Variants in ZFHX3 observed in about 807,000 individuals in gnomAD.
ZFHX3 encodes zinc finger homeobox protein 3.
A neutral mutation model predicts 279.1 loss-of-function variants in ZFHX3; 42 were observed. The observed-to-expected ratio is 0.15, with a 90% CI of 0.12 to 0.19. The LOEUF (loss-of-function observed/expected upper bound fraction) is 0.19. Among genes scored for constraint, ZFHX3 ranks in the 10% least tolerant of loss-of-function variants. The probability of loss-of-function intolerance (pLI) is 1.00; values close to 1 mark genes in which losing one functional copy is unlikely to be tolerated. For synonymous variants in ZFHX3, 2,293 were observed against 1,957.8 expected, an observed-to-expected ratio of 1.17 and a Z score of -4.52; for missense variants, 4,981 against 4,754.0, an observed-to-expected ratio of 1.05 and a Z score of -1.40.
chr16:73,875,704 TA>T (rs1211769903), intron 1 of ZFHX3, among the ~76,000 whole-genome samples: 1 of 152,164 alleles, frequency 6.6e-6, no homozygotes, highest in Non-Finnish European at 1.5e-5. Context: ...CCAAAGTGCT[TA>T]AATTTAAAAA....
At chr16:73,306,365 G>C (rs1487940861) in intron 4 of ZFHX3, among the ~76,000 whole-genome samples, 2 of 152,158 alleles carry the variant, frequency 1.3e-5, no homozygotes, top group East Asian at 3.8e-4. Context: ...TGTCGCCTAG[G>C]CTGGAGTGCA....
rs147651642 is a variant in ZFHX3 at position 73,469,265 on chromosome 16, A to G, written c.-1546-13007T>C. ...GCAACAAAAGCTGGAATAGAGCAAG[A>G]GAACACTGGTCCAAGAGAACTTCAG... On this transcript the variant is annotated intron_variant, in intron 2 of 17. Transcript: ENST00000641206. Among the ~76,000 whole-genome samples the G allele has an allele frequency of 1.6e-3, 249 of 152,280 alleles. 2 individuals carry two copies. Among genetic ancestry groups the G allele is most frequent in the African/African-American group, 5.7e-3 (238 of 41,568 alleles).
chr16:73,386,856 C>T (rs2016911569), intron 3 of ZFHX3: 2 of 152,096 alleles, frequency 1.3e-5, no homozygotes, highest in African/African-American at 4.8e-5. Flanking sequence ...GGTGGGATTA[C>T]ATACGCCTCC....
At position 72,800,148 on chromosome 16, in the gene ZFHX3, G is replaced by C; in HGVS notation, c.3865-19C>G. ...TGGTCACCTGAGGAGCAAGAGCAAG[G>C]AGAGTCAAATGGAGAGGAAAGCGAC... On this transcript the variant is annotated intron_variant, in intron 7 of 9. Coordinates refer to ENST00000268489, the MANE Select transcript of ZFHX3 (RefSeq NM_006885.4). The C allele has an allele frequency of 6.2e-7, 1 of 1,602,892 alleles. No individual in the cohort carries two copies. The highest frequency in any genetic ancestry group is 1.1e-5 in the South Asian group (1 of 90,760).
At chr16:73,100,859 T>C (rs1347177719) in intron 7 of ZFHX3, among the ~76,000 whole-genome samples, 1 of 152,132 alleles carries the variant, frequency 6.6e-6, no homozygotes, top group East Asian at 1.9e-4. Flanking sequence ...GGCCTCCCAA[T>C]GTGCTGAGAT....
At chr16:73,696,306 G>A (rs188846286) in intron 1 of ZFHX3, among the ~76,000 whole-genome samples, 8 of 152,278 alleles carry the variant, frequency 5.3e-5, no homozygotes, top group South Asian at 4.2e-4. Context: ...TAAGATATGG[G>A]CAGAACACCG....
chr16:73,648,960 G>A (rs1390819590), intron 2 of ZFHX3, among the ~76,000 whole-genome samples: 1 of 152,074 alleles, frequency 6.6e-6, no homozygotes, highest in Non-Finnish European at 1.5e-5. Context: ...TAAGTGCTAT[G>A]TTAAAAAGTC....
In ZFHX3 at chr16:72,858,763, G is replaced by A. The variant is rs568266787; in HGVS notation, c.3449-28904C>T. On this transcript the variant is annotated intron_variant, in intron 4 of 9. Coordinates refer to ENST00000268489, the MANE Select transcript of ZFHX3 (RefSeq NM_006885.4). ...AGAGGGAGGAAGAGATGTGGACCTGGCTGCCCCATTTACGCACGAGCTGCC... is the reference window on the plus strand; with the variant it reads ...AGAGGGAGGAAGAGATGTGGACCTGACTGCCCCATTTACGCACGAGCTGCC... Among the ~76,000 whole-genome samples the A allele has an allele frequency of 2.6e-5, 4 of 152,364 alleles. No homozygotes were observed. In the South Asian group the frequency reaches 8.3e-4, roughly 32 times the overall value.
intron 2 of ZFHX3, among the ~76,000 whole-genome samples, chr16:73,641,317 T>C (rs552464503): frequency 2.4e-4 from 36 of 152,122 alleles, no homozygotes; most frequent in African/African-American, 8.2e-4. Context: ...GCTTTCAAGG[T>C]GACGACAAAG....
rs116964012 is a variant in ZFHX3, at chr16:72,846,177, A to G, written c.3449-16318T>C. Among the ~76,000 whole-genome samples the G allele has an allele frequency of 2.4e-3, 372 of 152,356 alleles. 2 individuals are homozygous for G. Among genetic ancestry groups the G allele is most frequent in the Non-Finnish European group, 4.5e-3 (303 of 68,028 alleles). On this transcript the variant is annotated intron_variant, in intron 4 of 9. Coordinates refer to ENST00000268489, the MANE Select transcript of ZFHX3 (RefSeq NM_006885.4). ...CAGCTCAGTAAGTGAGCATATTCTA[A>G]GTCAGAGGCTGCTAAGGGTCAACGA...
At chr16:73,580,500 C>CAAAT (rs1453345392) in intron 2 of ZFHX3, among the ~76,000 whole-genome samples, 1 of 141,518 alleles carries the variant, frequency 7.1e-6, no homozygotes, top group African/African-American at 2.8e-5. Context: ...CAAAAACAAA[C>CAAAT]AAACAAACAA....
At chr16:72,988,569 G>C (rs1420976952) in intron 1 of ZFHX3, among the ~76,000 whole-genome samples, 1 of 152,170 alleles carries the variant, frequency 6.6e-6, no homozygotes, top group Non-Finnish European at 1.5e-5. Flanking sequence ...GCGGATTTCT[G>C]GATTCATTTC....
intron 2 of ZFHX3, among the ~76,000 whole-genome samples, chr16:73,553,181 G>T (rs891762262): frequency 2.0e-5 from 3 of 150,756 alleles, no homozygotes; most frequent in Non-Finnish European, 4.4e-5. Flanking sequence ...TGGAAAAGAA[G>T]TCGTGTAACT....
At chr16:72,968,933 TACATAC>T (rs1257318640) in intron 1 of ZFHX3, among the ~76,000 whole-genome samples, 5 of 152,140 alleles carry the variant, frequency 3.3e-5, no homozygotes, top group South Asian at 2.1e-4. Flanking sequence ...AGTATATACA[TACATAC>T]ACATACACAT....
At chr16:73,887,280 A>T (rs531014447) in intron 1 of ZFHX3, among the ~76,000 whole-genome samples, 1 of 152,314 alleles carries the variant, frequency 6.6e-6, no homozygotes, top group South Asian at 2.1e-4. Flanking sequence ...CAAACGAGAG[A>T]TTTTGGCAGG....
intron 3 of ZFHX3, among the ~76,000 whole-genome samples, chr16:72,900,746 G>A (rs575390925): frequency 3.3e-5 from 5 of 152,194 alleles, no homozygotes; most frequent in African/African-American, 1.2e-4. Flanking sequence ...CAGAGGGTCT[G>A]GAGTGAGCCC....
intron 7 of ZFHX3, among the ~76,000 whole-genome samples, chr16:73,120,375 C>T (rs1966481380): frequency 1.3e-5 from 2 of 152,172 alleles, no homozygotes; most frequent in Non-Finnish European, 1.5e-5. Context: ...AAATGATCCT[C>T]CTGCTTCAGC....
chr16:73,267,403 C>T (rs7203768), intron 4 of ZFHX3, among the ~76,000 whole-genome samples: 99,126 of 151,888 alleles, frequency 0.65, 32,859 homozygotes, highest in East Asian at 0.82. Flanking sequence ...AGAGTACTTC[C>T]GACTCGGTTT....
intron 5 of ZFHX3, among the ~76,000 whole-genome samples, chr16:73,245,988 GCA>G (rs1219031956): frequency 6.6e-6 from 1 of 152,076 alleles, no homozygotes; most frequent in Non-Finnish European, 1.5e-5. Context: ...TGTGGGATGT[GCA>G]CAGAGATTAT....
Sources: gnomAD v4.1 joint callset for allele counts (sites outside exome capture counted in the v4.1 genomes callset) on GRCh38, gnomAD v4.1.1 for gene constraint, MANE v1.5 for transcripts, NCBI Gene and HGNC (gene_info 2026-07-23, HGNC 2026-07-21) for gene names.